The following KHDRBS3 variants were observed in gnomAD, a reference collection of about 807,000 sequenced individuals.
The protein encoded by KHDRBS3 is KH RNA binding domain containing, signal transduction associated 3.
In KHDRBS3, 23 loss-of-function variants were observed where a neutral mutation model predicts 45.6. The ratio of observed to expected loss-of-function variants is 0.50; its 90% CI spans 0.36 to 0.72. The LOEUF is 0.72. KHDRBS3 is among the 30% of genes least tolerant of loss of function. The probability of loss-of-function intolerance (pLI) is 0.00; values close to 1 mark genes in which losing one functional copy is unlikely to be tolerated. For synonymous variants in KHDRBS3, 162 were observed against 156.5 expected (o/e 1.04, Z -0.26); for missense variants, 352 against 424.8 (o/e 0.83, Z 1.51).
chr8:135,529,123 A>C (rs559477743), intron 2 of KHDRBS3, among the ~76,000 whole-genome samples: 4 of 152,294 alleles, frequency 2.6e-5, no homozygotes, highest in South Asian at 2.1e-4. Context: ...GGATTATATA[A>C]ATTTAGAGAA....
intron 5 of KHDRBS3, among the ~76,000 whole-genome samples, chr8:135,570,140 T>A (rs1373842003): frequency 6.6e-6 from 1 of 152,196 alleles, no homozygotes; most frequent in Non-Finnish European, 1.5e-5. Context: ...CTTTTATGCA[T>A]ACACATTTTA....
intron 7 of KHDRBS3, among the ~76,000 whole-genome samples, chr8:135,627,917 A>T (rs1830444076): frequency 6.6e-6 from 1 of 151,678 alleles, no homozygotes; most frequent in African/African-American, 2.4e-5. Context: ...GTGTTGAAAA[A>T]AAATCTACAC....
intron 6 of KHDRBS3, among the ~76,000 whole-genome samples, chr8:135,603,623 T>C (rs575220349): frequency 1.3e-5 from 2 of 152,314 alleles, no homozygotes; most frequent in South Asian, 2.1e-4. Context: ...ACAAAACATA[T>C]AGCTCTTTGA....
chr8:135,485,868 A>ATATATT (rs1563713994), intron 1 of KHDRBS3, among the ~76,000 whole-genome samples: 1 of 141,210 alleles, frequency 7.1e-6, no homozygotes, highest in Non-Finnish European at 1.5e-5. Flanking sequence ...ATATATATAT[A>ATATATT]TTTTATTTTT....
At chr8:135,486,912 C>G (rs1228697081) in intron 1 of KHDRBS3, among the ~76,000 whole-genome samples, 1 of 151,932 alleles carries the variant, frequency 6.6e-6, no homozygotes, top group Non-Finnish European at 1.5e-5. Flanking sequence ...TTTAAAAGAC[C>G]CTTGTCTTTT....
At chr8:135,489,904 C>CT (rs1182597633) in intron 1 of KHDRBS3, among the ~76,000 whole-genome samples, 2 of 152,172 alleles carry the variant, frequency 1.3e-5, no homozygotes, top group Non-Finnish European at 2.9e-5. Context: ...AACTTCCGCT[C>CT]CTACAAGCTC....
At chr8:135,511,911 T>C (rs1378420040) in intron 1 of KHDRBS3, among the ~76,000 whole-genome samples, 1 of 152,200 alleles carries the variant, frequency 6.6e-6, no homozygotes. Flanking sequence ...ATTTAGAGTA[T>C]CGAGTGTTTC....
At chr8:135,634,076 A>G (rs1031484249) in intron 7 of KHDRBS3, among the ~76,000 whole-genome samples, 1 of 152,142 alleles carries the variant, frequency 6.6e-6, no homozygotes. Flanking sequence ...ACTCAGTTAC[A>G]TGTGTATACA....
At chr8:135,513,702 T>C (rs143328684) in intron 1 of KHDRBS3, among the ~76,000 whole-genome samples, 1,633 of 152,232 alleles carry the variant, frequency 0.011, 26 homozygotes, top group African/African-American at 0.035. Flanking sequence ...TTTTATCTCT[T>C]CAATTTTGGG....
intron 1 of KHDRBS3, among the ~76,000 whole-genome samples, chr8:135,467,297 G>C (rs1442454764): frequency 6.6e-6 from 1 of 152,082 alleles, no homozygotes. Context: ...TAAATAACTT[G>C]ACATGTATTT....
At chr8:135,461,240 G>A (rs1179547338) in intron 1 of KHDRBS3, among the ~76,000 whole-genome samples, 1 of 152,136 alleles carries the variant, frequency 6.6e-6, no homozygotes, top group Non-Finnish European at 1.5e-5. Flanking sequence ...GAGTAGCTGG[G>A]ACTGCAGGTG....
At chr8:135,513,384 A>C (rs988049491) in intron 1 of KHDRBS3, among the ~76,000 whole-genome samples, 1 of 152,130 alleles carries the variant, frequency 6.6e-6, no homozygotes, top group Non-Finnish European at 1.5e-5. Context: ...TGCAAATATT[A>C]AATTATTTAA....
chr8:135,581,561 G>T (rs184984821), intron 5 of KHDRBS3, among the ~76,000 whole-genome samples: 1 of 152,266 alleles, frequency 6.6e-6, no homozygotes, highest in Admixed American at 6.5e-5. Context: ...TGAAGTTTGG[G>T]TGTAATCCTG....
At chr8:135,555,112 A>C (rs762091627) in intron 4 of KHDRBS3, among the ~76,000 whole-genome samples, 2 of 152,198 alleles carry the variant, frequency 1.3e-5, no homozygotes, top group Non-Finnish European at 2.9e-5. Flanking sequence ...CTTTACTGTT[A>C]ATGAATCCCA....
In KHDRBS3 at chr8:135,557,654, G is replaced by A. The variant is rs894107130; in HGVS notation, c.611+67G>A. 6.0e-6 allele frequency: 7 copies of A among 1,174,372 alleles called. No individual in the cohort carries two copies. The Admixed American group carries it at 7.3e-5, about 12-fold the overall frequency. The allele number at this position is 1,174,372 out of a possible 1,614,324, so 72.7% of individuals were successfully genotyped here. A position where few individuals can be genotyped will look rare whatever the true frequency, so the allele number is the denominator to read the frequency against. On this transcript the variant is annotated intron_variant, in intron 5 of 8. Coordinates refer to ENST00000355849, the MANE Select transcript of KHDRBS3 (RefSeq NM_006558.3). Reference sequence around the variant, plus strand: ...AGTTTTAATATTTCCTTTATTAGTAGCCAAAACCAGTTCTATCTGAACAAA... The same window carrying A: ...AGTTTTAATATTTCCTTTATTAGTAACCAAAACCAGTTCTATCTGAACAAA...
At chr8:135,557,372 T>G (rs1025483628) in intron 4 of KHDRBS3, 76 bp from the exon 5 acceptor site, 14 of 815,238 alleles carry the variant, frequency 1.7e-5, no homozygotes, top group Non-Finnish European at 2.4e-5. Context: ...CTATTAAGAA[T>G]TACTTGCTTT....
intron 6 of KHDRBS3, among the ~76,000 whole-genome samples, chr8:135,585,778 T>C (rs1933891454): frequency 1.3e-5 from 2 of 152,210 alleles, no homozygotes; most frequent in African/African-American, 2.4e-5. Flanking sequence ...TCTAGGTTAA[T>C]CTCTGGCTAC....
At chr8:135,632,609 C>G (rs1830651545) in intron 7 of KHDRBS3, among the ~76,000 whole-genome samples, 1 of 152,128 alleles carries the variant, frequency 6.6e-6, no homozygotes, top group Non-Finnish European at 1.5e-5. Flanking sequence ...TCTCCCTGCC[C>G]TGAAAGCTGT....
At chr8:135,515,152 G>A (rs1824508826) in intron 1 of KHDRBS3, among the ~76,000 whole-genome samples, 1 of 151,746 alleles carries the variant, frequency 6.6e-6, no homozygotes, top group Non-Finnish European at 1.5e-5. Flanking sequence ...GGATCACGAG[G>A]TCAGGAGATT....
Sources: allele counts gnomAD v4.1 joint callset (sites outside exome capture counted in the v4.1 genomes callset), GRCh38; gene constraint gnomAD v4.1.1; transcripts MANE v1.5; gene names NCBI Gene and HGNC (gene_info 2026-07-23, HGNC 2026-07-21).